IKZF2: variants seen among roughly 807,000 people sequenced by gnomAD.
IKZF2 encodes the protein IKAROS family zinc finger 2.
A neutral mutation model predicts 49.2 loss-of-function variants in IKZF2; 15 were observed. The ratio of observed to expected loss-of-function variants is 0.30; its 90% CI spans 0.20 to 0.47. IKZF2 has a LOEUF of 0.47. IKZF2 is among the 20% of genes least tolerant of loss of function. The probability of loss-of-function intolerance (pLI) is 1.00; values close to 1 mark genes in which losing one functional copy is unlikely to be tolerated. For synonymous variants in IKZF2, 227 were observed against 221.4 expected (o/e 1.03, Z -0.23); for missense variants, 567 against 664.6 (o/e 0.85, Z 1.61).
At chr2:213,091,945 T>A (rs988812013) in intron 4 of IKZF2, among the ~76,000 whole-genome samples, 1 of 145,164 alleles carries the variant, frequency 6.9e-6, no homozygotes, top group Non-Finnish European at 1.5e-5. Context: ...CTATTTTTAT[T>A]TAATTTATTT....
chr2:213,147,840 T>C, intron 3 of IKZF2, 28 bp from the exon 4 acceptor site: 2 of 1,525,008 alleles, frequency 1.3e-6, no homozygotes, highest in Non-Finnish European at 9.1e-7. Context: ...AATCTTTTGG[T>C]TTCTATTCAT....
At chr2:213,122,865 C>T (rs923384286) in intron 4 of IKZF2, among the ~76,000 whole-genome samples, 2 of 152,184 alleles carry the variant, frequency 1.3e-5, no homozygotes, top group African/African-American at 4.8e-5. Flanking sequence ...CTAGGGTCAG[C>T]TCCTCCTCAA....
At chr2:213,090,546 A>G (rs184309361) in intron 4 of IKZF2, among the ~76,000 whole-genome samples, 4 of 152,318 alleles carry the variant, frequency 2.6e-5, no homozygotes, top group African/African-American at 9.6e-5. Context: ...GTTTTATATC[A>G]TACTCTTTTC....
chr2:213,147,961 T>G, intron 3 of IKZF2, 149 bp from the exon 4 acceptor site: 4 of 612,360 alleles, frequency 6.5e-6, no homozygotes, highest in Non-Finnish European at 1.2e-5. Context: ...GAAATATCAT[T>G]TAGAAATATA....
intron 5 of IKZF2, among the ~76,000 whole-genome samples, chr2:213,051,616 T>A (rs943200379): frequency 3.3e-5 from 5 of 151,970 alleles, no homozygotes; most frequent in African/African-American, 9.7e-5. Context: ...AACTTGATTA[T>A]TTGATTCTCT....
rs745917688 is a variant in IKZF2, at chr2:213,007,551, C to G, written c.1390G>C (p.Glu464Gln). The change falls in exon 9 of 9, where the codon GAA (glutamate) becomes CAA (glutamine). Residue 464 changes from glutamate (E) to glutamine (Q), a missense_variant. Transcript: ENST00000434687. ...TTGAAGGCCCTAATCTGTTCTCCTT[C>G]TCCATTGAAGACCTTGTAGATGTCC... ...LKDIYKVFNG[E>Q]GEQIRAFKCE... is the part of the protein sequence containing the mutation. 3.1e-6 allele frequency: 5 copies of G among 1,613,712 alleles called. No homozygotes were observed. The South Asian group carries it at 5.5e-5, about 18-fold the overall frequency.
intron 1 of IKZF2, among the ~76,000 whole-genome samples, 179 bp downstream of exon 1, chr2:213,151,234 G>T (rs2061273042): frequency 6.6e-6 from 1 of 151,902 alleles, no homozygotes; most frequent in Admixed American, 6.6e-5. Flanking sequence ...ATTATTACTG[G>T]TTAACAGCAA....
chr2:213,146,764 G>GT (rs1453195329), intron 4 of IKZF2, among the ~76,000 whole-genome samples: 2 of 125,596 alleles, frequency 1.6e-5, no homozygotes, highest in East Asian at 3.0e-4. Flanking sequence ...ATCTTCGGGG[G>GT]GGGGGAAGGA....
At chr2:213,125,393 A>C (rs1334726117) in intron 4 of IKZF2, among the ~76,000 whole-genome samples, 3 of 152,238 alleles carry the variant, frequency 2.0e-5, no homozygotes, top group Non-Finnish European at 4.4e-5. Flanking sequence ...ATTTCCAACC[A>C]ACAAACATTT....
chr2:213,135,398 A>T (rs1053415217), intron 4 of IKZF2, among the ~76,000 whole-genome samples: 1 of 152,204 alleles, frequency 6.6e-6, no homozygotes, highest in Non-Finnish European at 1.5e-5. Flanking sequence ...GCCACTGTAA[A>T]CAACCTAGCC....
Position 213,054,976 on chromosome 2 carries a change from T to C in IKZF2, c.406+1857A>G, listed in dbSNP as rs1701006643. Among the ~76,000 whole-genome samples, 2 of 152,252 alleles carry C rather than the reference T, an allele frequency of 1.3e-5. 1 individual carries two copies. Among genetic ancestry groups the C allele is most frequent in the Middle Eastern group, 6.8e-3 (2 of 294 alleles). On this transcript the variant is annotated intron_variant, in intron 5 of 8. Transcript: ENST00000434687. ...CTCATGAATATTATTGTAGCTACAG[T>C]GAATCACTGATTAACCTAAATTTTC... is the stretch of plus-strand genomic sequence containing the variant.
At chr2:213,134,692 T>C (rs942789004) in intron 4 of IKZF2, among the ~76,000 whole-genome samples, 3 of 152,234 alleles carry the variant, frequency 2.0e-5, no homozygotes, top group Admixed American at 1.3e-4. Context: ...TTCTCCCGAA[T>C]CTAAATGCTT....
In IKZF2 at chr2:213,151,533, T is replaced by A. The variant is rs927607842; in HGVS notation, c.-240A>T. 6.6e-6 allele frequency: 1 copy of A among 152,576 alleles called. No individual in the cohort carries two copies. The highest frequency in any genetic ancestry group is 2.4e-5 in the African/African-American group (1 of 41,412). 9.5% of individuals were successfully genotyped at this position (152,576 alleles called of 1,614,324 possible). A position where few individuals can be genotyped will look rare whatever the true frequency, so the allele number is the denominator to read the frequency against. On this transcript the variant is annotated 5_prime_UTR_variant, in exon 1 of 9. Coordinates refer to ENST00000434687, the MANE Select transcript of IKZF2 (RefSeq NM_001387220.1). Reference sequence around the variant, plus strand: ...TGTGTTTGTGCACTGCAGTTGGTGGTGGAAACTAAGGCAGTGGATCTGTAG... The same window carrying A: ...TGTGTTTGTGCACTGCAGTTGGTGGAGGAAACTAAGGCAGTGGATCTGTAG...
At chr2:213,146,831 T>C (rs2061091002) in intron 4 of IKZF2, among the ~76,000 whole-genome samples, 1 of 150,190 alleles carries the variant, frequency 6.7e-6, no homozygotes, top group Non-Finnish European at 1.5e-5. Flanking sequence ...AATTTAATTA[T>C]ATTTACATGT....
chr2:213,016,088 CT>C (rs1317910483), intron 7 of IKZF2, among the ~76,000 whole-genome samples: 3 of 152,036 alleles, frequency 2.0e-5, no homozygotes, highest in African/African-American at 7.2e-5. Flanking sequence ...TACAATAGCC[CT>C]TTTCATGTCA....
chr2:213,027,402 T>C (rs1427083524), intron 6 of IKZF2, among the ~76,000 whole-genome samples: 1 of 152,124 alleles, frequency 6.6e-6, no homozygotes, highest in Non-Finnish European at 1.5e-5. Flanking sequence ...CGTCTCACTT[T>C]TTATTTTGCT....
At chr2:213,030,536 T>C (rs1698301595) in intron 6 of IKZF2, among the ~76,000 whole-genome samples, 1 of 152,146 alleles carries the variant, frequency 6.6e-6, no homozygotes, top group African/African-American at 2.4e-5. Context: ...TAAACAAGTC[T>C]GTGAGACAGT....
At chr2:213,137,985 A>C (rs1437787331) in intron 4 of IKZF2, among the ~76,000 whole-genome samples, 1 of 152,108 alleles carries the variant, frequency 6.6e-6, no homozygotes, top group Non-Finnish European at 1.5e-5. Context: ...TAATGAGAGC[A>C]ATGACAAAAA....
Position 213,041,824 on chromosome 2 carries a change from A to T in IKZF2, c.574+7889T>A, listed in dbSNP as rs543107832. The stretch of plus-strand genomic sequence containing the variant: ...TTGGCACTGTGAAGACTCAATATAA[A>T]CCTTAAGATGTTAATTCGGTTTCAT... On this transcript the variant is annotated intron_variant, in intron 6 of 8. Transcript: ENST00000434687. Among the ~76,000 whole-genome samples, 6 of 152,278 alleles carry T rather than the reference A, an allele frequency of 3.9e-5. No individual in the cohort carries two copies. The South Asian group carries it at 1.2e-3, about 32-fold the overall frequency.
Sources: gnomAD v4.1 joint callset for allele counts (sites outside exome capture counted in the v4.1 genomes callset) on GRCh38, gnomAD v4.1.1 for gene constraint, MANE v1.5 for transcripts, NCBI Gene and HGNC (gene_info 2026-07-23, HGNC 2026-07-21) for gene names.